ACAP2: variants seen among roughly 807,000 people sequenced by gnomAD.
ACAP2 encodes ArfGAP with coiled-coil, ankyrin repeat and PH domains 2, also known as arf-GAP with coiled-coil, ANK repeat and PH domain-containing protein 2.
Under a neutral mutation model 115.8 loss-of-function variants are expected in ACAP2, and 39 were observed. That is an observed-to-expected ratio of 0.34 (90% CI 0.26 to 0.44). ACAP2 has a LOEUF of 0.44. Ranked by LOEUF, ACAP2 falls within the 20% of genes least tolerant of loss-of-function variation. The pLI is 1.00. For synonymous variants in ACAP2, 289 were observed against 315.8 expected, an observed-to-expected ratio of 0.92 and a Z score of 0.90; for missense variants, 662 against 927.6, an observed-to-expected ratio of 0.71 and a Z score of 3.72.
intron 1 of ACAP2, among the ~76,000 whole-genome samples, chr3:195,402,201 T>G (rs9848473): frequency 0.24 from 36,507 of 152,094 alleles, 5,128 homozygotes; most frequent in East Asian, 0.71. Flanking sequence ...AAACATTTGT[T>G]GAATGGGTGA....
At chr3:195,370,564 C>T (rs1342324414) in intron 4 of ACAP2, among the ~76,000 whole-genome samples, 1 of 152,114 alleles carries the variant, frequency 6.6e-6, no homozygotes, top group East Asian at 1.9e-4. Flanking sequence ...AGGTGTGCGG[C>T]TTTATTTCTG....
chr3:195,374,313 C>A (rs1376484543), intron 4 of ACAP2, among the ~76,000 whole-genome samples: 1 of 152,146 alleles, frequency 6.6e-6, no homozygotes, highest in Non-Finnish European at 1.5e-5. Context: ...TCACTTGAAC[C>A]CAGGAGGCGG....
chr3:195,279,324 A>T lies in ACAP2; in HGVS notation c.*4T>A, dbSNP rs548974427. ...ATTTCATATTTTCCCATTTTTAAAA[A>T]AATTCAGAATTTCTGTGAATCTTGC... On this transcript the variant is annotated 3_prime_UTR_variant, in exon 23 of 23. Coordinates refer to ENST00000326793, the MANE Select transcript of ACAP2 (RefSeq NM_012287.6). The T allele has an allele frequency of 6.3e-7, 1 of 1,588,848 alleles. No homozygotes were observed. The highest frequency in any genetic ancestry group is 1.1e-5 in the South Asian group (1 of 87,372).
At chr3:195,383,275 A>C (rs1393571312) in intron 2 of ACAP2, among the ~76,000 whole-genome samples, 1 of 152,030 alleles carries the variant, frequency 6.6e-6, no homozygotes. Flanking sequence ...ACTATATGAT[A>C]TTAAAATATA....
intron 4 of ACAP2, chr3:195,349,902 T>A (rs59551685): frequency 0.3 from 69,638 of 232,948 alleles, 12,228 homozygotes; most frequent in East Asian, 0.81. Context: ...TCTCATAGGA[T>A]CCCATATGTG....
intron 13 of ACAP2, 92 bp from the exon 14 acceptor site, chr3:195,302,266 A>G (rs1728113801): frequency 8.3e-7 from 1 of 1,198,660 alleles, no homozygotes; most frequent in African/African-American, 1.6e-5. Flanking sequence ...GCTTCCAATC[A>G]ATAAATTAAA....
At chr3:195,355,827 C>T (rs1731926728) in intron 4 of ACAP2, among the ~76,000 whole-genome samples, 1 of 152,142 alleles carries the variant, frequency 6.6e-6, no homozygotes, top group Middle Eastern at 3.2e-3. Context: ...GACTTTGGCT[C>T]TAAGTATACA....
chr3:195,315,654 TC>T (rs1339489962), intron 10 of ACAP2, among the ~76,000 whole-genome samples: 1 of 152,172 alleles, frequency 6.6e-6, no homozygotes, highest in Admixed American at 6.5e-5. Context: ...AAGCTCCATT[TC>T]TTTACTGAAA....
At chr3:195,283,722 A>T (rs907725558) in intron 22 of ACAP2, among the ~76,000 whole-genome samples, 1 of 152,216 alleles carries the variant, frequency 6.6e-6, no homozygotes, top group African/African-American at 2.4e-5. Context: ...TTTAAATATT[A>T]GGCCCTCTGA....
At chr3:195,379,282 C>A (rs1303987887) in intron 4 of ACAP2, among the ~76,000 whole-genome samples, 1 of 151,984 alleles carries the variant, frequency 6.6e-6, no homozygotes, top group Non-Finnish European at 1.5e-5. Context: ...AAAGCACAAA[C>A]AACAAAAGAC....
At chr3:195,384,353 T>C (rs1424884492) in intron 2 of ACAP2, among the ~76,000 whole-genome samples, 1 of 152,178 alleles carries the variant, frequency 6.6e-6, no homozygotes, top group Non-Finnish European at 1.5e-5. Context: ...AATCAAAATG[T>C]AGAACAGTGC....
chr3:195,281,390 G>A (rs1465227034), intron 22 of ACAP2, among the ~76,000 whole-genome samples: 1 of 151,890 alleles, frequency 6.6e-6, no homozygotes, highest in African/African-American at 2.4e-5. Context: ...GGGCAACAGA[G>A]CGAGACTCCG....
At position 195,383,635 on chromosome 3, in the gene ACAP2, C is replaced by CA. The variant is rs536055577; in HGVS notation, c.112-1614dup. Among the ~76,000 whole-genome samples, 117 of 140,846 alleles carry CA rather than the reference C, an allele frequency of 8.3e-4. No individual in the cohort carries two copies. In the Middle Eastern group the frequency reaches 0.011, roughly 14 times the overall value. 92.4% of individuals were successfully genotyped at this position (140,846 alleles called of 152,430 possible). ...AAGGATGCAAAGCTCAAATACTATGCAAAAAAAAACTGATCAATCCAATTA... is the reference window on the plus strand; with the variant it reads ...AAGGATGCAAAGCTCAAATACTATGCAAAAAAAAAACTGATCAATCCAATTA... On this transcript the variant is annotated intron_variant, in intron 2 of 22. Coordinates refer to ENST00000326793, the MANE Select transcript of ACAP2 (RefSeq NM_012287.6).
rs564405424 is a variant in ACAP2 at position 195,316,514 on chromosome 3, C to T, written c.857+4187G>A. Among the ~76,000 whole-genome samples the T allele has an allele frequency of 1.6e-3, 243 of 152,246 alleles. 1 individual carries two copies. The highest frequency in any genetic ancestry group is 3.4e-3 in the Middle Eastern group (1 of 294). On this transcript the variant is annotated intron_variant, in intron 10 of 22. Transcript: ENST00000326793. Reference sequence around the variant, plus strand: ...CTAGGTCCAAGCAATTCTTCTGCCTCAGCCTCCCAAGCAGCTGGGATTACA... The same window carrying T: ...CTAGGTCCAAGCAATTCTTCTGCCTTAGCCTCCCAAGCAGCTGGGATTACA...
chr3:195,408,162 T>C (rs1387002840), intron 1 of ACAP2, among the ~76,000 whole-genome samples: 2 of 152,158 alleles, frequency 1.3e-5, no homozygotes, highest in African/African-American at 4.8e-5. Context: ...GAATCTGTCA[T>C]CGAAAATCTC....
intron 1 of ACAP2, among the ~76,000 whole-genome samples, chr3:195,395,404 G>A (rs951394015): frequency 7.9e-5 from 12 of 152,134 alleles, no homozygotes; most frequent in African/African-American, 2.9e-4. Context: ...ACAAAGGTCA[G>A]CAAACAATTA....
chr3:195,301,762 G>T, intron 14 of ACAP2, 118 bp from the exon 15 acceptor site: 1 of 1,141,454 alleles, frequency 8.8e-7, no homozygotes, highest in Non-Finnish European at 1.3e-6. Context: ...TATAGGCACA[G>T]ATCTTCTGTT....
chr3:195,344,591 G>A (rs1577332187), intron 5 of ACAP2, among the ~76,000 whole-genome samples: 2 of 151,918 alleles, frequency 1.3e-5, no homozygotes, highest in East Asian at 3.9e-4. Context: ...CGCGATCTCA[G>A]CTCACTGCAA....
intron 4 of ACAP2, among the ~76,000 whole-genome samples, chr3:195,376,530 G>T (rs1368177459): frequency 6.6e-6 from 1 of 152,042 alleles, no homozygotes; most frequent in Non-Finnish European, 1.5e-5. Flanking sequence ...GAGAGAAAGC[G>T]AGACTCCATT....
Sources: allele counts gnomAD v4.1 joint callset (sites outside exome capture counted in the v4.1 genomes callset), GRCh38; gene constraint gnomAD v4.1.1; transcripts MANE v1.5; gene names NCBI Gene and HGNC (gene_info 2026-07-23, HGNC 2026-07-21).